MAPRE2: variants seen among roughly 807,000 people sequenced by gnomAD.
MAPRE2 encodes the protein microtubule-associated protein RP/EB family member 2.
Under a neutral mutation model 43.2 loss-of-function variants are expected in MAPRE2, and 13 were observed. The observed-to-expected ratio is 0.30, with a 90% confidence interval of 0.20 to 0.48. The LOEUF is 0.48. Ranked by LOEUF, MAPRE2 falls within the 20% of genes least tolerant of loss-of-function variation. The pLI is 0.99. For synonymous variants in MAPRE2, 135 were observed against 148.8 expected, an observed-to-expected ratio of 0.91 and a Z score of 0.68; for missense variants, 161 against 400.2, an observed-to-expected ratio of 0.40 and a Z score of 5.10.
chr18:35,093,809 A>G (rs1427831031), intron 2 of MAPRE2, among the ~76,000 whole-genome samples: 1 of 152,178 alleles, frequency 6.6e-6, no homozygotes. Context: ...CAGTGGGTAC[A>G]AAGTTACAGT....
At chr18:35,099,212 C>T (rs1375954263) in intron 3 of MAPRE2, among the ~76,000 whole-genome samples, 1 of 152,154 alleles carries the variant, frequency 6.6e-6, no homozygotes, top group East Asian at 1.9e-4. Flanking sequence ...TAGTTAAAAG[C>T]TTTTTATGCT....
At chr18:35,016,743 A>T (rs933629856) in intron 2 of MAPRE2, among the ~76,000 whole-genome samples, 1 of 152,048 alleles carries the variant, frequency 6.6e-6, no homozygotes, top group Non-Finnish European at 1.5e-5. Flanking sequence ...ATTTTCTCCC[A>T]TTCTGTAGCT....
chr18:35,035,480 T>G (rs1033304045), intron 2 of MAPRE2, among the ~76,000 whole-genome samples: 2 of 151,920 alleles, frequency 1.3e-5, no homozygotes, highest in Admixed American at 1.3e-4. Flanking sequence ...ACCTGCACAT[T>G]GTGCACATGT....
At chr18:35,093,261 C>CA (rs546715876) in intron 2 of MAPRE2, among the ~76,000 whole-genome samples, 4 of 112,756 alleles carry the variant, frequency 3.5e-5, no homozygotes, top group Non-Finnish European at 5.8e-5. Flanking sequence ...ATCAAAAAGG[C>CA]AAAAAAAATT....
At chr18:34,978,284 C>A in intron 1 of MAPRE2, 1 of 593,444 alleles carries the variant, frequency 1.7e-6, no homozygotes, top group East Asian at 2.9e-5. Flanking sequence ...AAAATACTAT[C>A]GTGCTGTCAA....
chr18:35,111,109 T>G (rs1228953289), intron 4 of MAPRE2, among the ~76,000 whole-genome samples: 1 of 152,190 alleles, frequency 6.6e-6, no homozygotes, highest in African/African-American at 2.4e-5. Flanking sequence ...CACAAGTCCC[T>G]GAGGCACAGT....
At chr18:34,979,283 CAT>C (rs2097014839) in intron 1 of MAPRE2, among the ~76,000 whole-genome samples, 2 of 152,134 alleles carry the variant, frequency 1.3e-5, no homozygotes, top group Non-Finnish European at 2.9e-5. Context: ...TGTGATGACT[CAT>C]GTGTAGCAGT....
chr18:35,054,919 G>C (rs1344835907), intron 1 of MAPRE2, among the ~76,000 whole-genome samples: 1 of 152,070 alleles, frequency 6.6e-6, no homozygotes, highest in African/African-American at 2.4e-5. Context: ...AAATAATAAT[G>C]AACCAAAGAG....
At chr18:35,096,468 T>C (rs1908420353) in intron 2 of MAPRE2, among the ~76,000 whole-genome samples, 1 of 152,192 alleles carries the variant, frequency 6.6e-6, no homozygotes, top group Non-Finnish European at 1.5e-5. Context: ...AATTTCCCAG[T>C]TGTAGTGGTC....
At chr18:35,041,363 AG>A (rs913751065), upstream of MAPRE2, 52 of 1,451,296 alleles carry the variant, frequency 3.6e-5, no homozygotes, top group East Asian at 7.5e-5. Context: ...CTCTGACGTC[AG>A]CTGCCAGAGG....
chr18:34,986,023 C>G (rs759721820), intron 1 of MAPRE2, among the ~76,000 whole-genome samples: 6 of 151,940 alleles, frequency 3.9e-5, no homozygotes, highest in Non-Finnish European at 7.4e-5. Flanking sequence ...TGCTAACAGG[C>G]AAACCTTGGT....
At chr18:35,096,893 G>T (rs1908451656) in intron 2 of MAPRE2, among the ~76,000 whole-genome samples, 1 of 151,924 alleles carries the variant, frequency 6.6e-6, no homozygotes, top group African/African-American at 2.4e-5. Context: ...CACCTGTGTG[G>T]GGGTTCTGTA....
At chr18:35,121,596 C>T (rs370420378) in intron 4 of MAPRE2, among the ~76,000 whole-genome samples, 1 of 151,924 alleles carries the variant, frequency 6.6e-6, no homozygotes, top group South Asian at 2.1e-4. Context: ...TCAAATGCAG[C>T]TTGAAAAAAA....
intron 1 of MAPRE2, among the ~76,000 whole-genome samples, chr18:35,065,189 T>C (rs1033188473): frequency 4.6e-5 from 7 of 151,940 alleles, no homozygotes; most frequent in African/African-American, 7.3e-5. Context: ...TCCCAGCTAT[T>C]TGGGAGGCTG....
In MAPRE2 at chr18:35,070,288, T is replaced by C; in HGVS notation, c.216T>C (p.Ser72=). 3 of 1,610,236 alleles carry C rather than the reference T, an allele frequency of 1.9e-6. No individual in the cohort carries two copies. The highest frequency in any genetic ancestry group is 2.5e-6 in the Non-Finnish European group (3 of 1,178,134). The change falls in exon 2 of 7, where the codon TCT becomes TCC. Residue 72 remains serine, a synonymous_variant. Transcript: ENST00000300249. ...TTGCATGGGTTAATGACATAGTATC[T>C]TTAAACTACACAAAAGTGGAACAGC... ...DIIAWVNDIV[S]LNYTKVEQLC... is the part of the protein sequence containing the mutation.
At chr18:35,098,062 G>C (rs1168224567) in intron 3 of MAPRE2, among the ~76,000 whole-genome samples, 1 of 152,154 alleles carries the variant, frequency 6.6e-6, no homozygotes, top group Non-Finnish European at 1.5e-5. Flanking sequence ...AAGTTGACAT[G>C]AGAAGCAGTG....
At chr18:35,063,478 G>A (rs531929958) in intron 1 of MAPRE2, among the ~76,000 whole-genome samples, 245 of 131,198 alleles carry the variant, frequency 1.9e-3, no homozygotes, top group South Asian at 0.018. Context: ...CATAAAGAAG[G>A]TAACTTAAAA....
intron 1 of MAPRE2, among the ~76,000 whole-genome samples, chr18:35,048,603 T>C (rs623826): frequency 1 from 149,059 of 149,064 alleles, 74,527 homozygotes; most frequent in Non-Finnish European, 1. Flanking sequence ...ATGTATACTA[T>C]ATACACATAG....
chr18:35,014,816 C>T (rs889898353), intron 2 of MAPRE2, among the ~76,000 whole-genome samples: 1 of 151,744 alleles, frequency 6.6e-6, no homozygotes, highest in Non-Finnish European at 1.5e-5. Context: ...GGGACAAGCA[C>T]TGTGTTGCAT....
Sources: gnomAD v4.1 joint callset for allele counts (sites outside exome capture counted in the v4.1 genomes callset) on GRCh38, gnomAD v4.1.1 for gene constraint, MANE v1.5 for transcripts, NCBI Gene and HGNC (gene_info 2026-07-23, HGNC 2026-07-21) for gene names.